PIBF1: variants seen among roughly 807,000 people sequenced by gnomAD.
PIBF1 encodes the protein progesterone-induced-blocking factor 1.
Under a neutral mutation model 112.5 loss-of-function variants are expected in PIBF1, and 90 were observed. The ratio of observed to expected loss-of-function variants is 0.80; its 90% confidence interval spans 0.67 to 0.95. The LOEUF is 0.95. PIBF1 is among the 40% of genes least tolerant of loss of function. The pLI is 0.00. For synonymous variants in PIBF1, 301 were observed against 288.6 expected, an observed-to-expected ratio of 1.04 and a Z score of -0.44; for missense variants, 915 against 852.3, an observed-to-expected ratio of 1.07 and a Z score of -0.92.
intron 7 of PIBF1, among the ~76,000 whole-genome samples, chr13:72,827,493 C>T (rs1319063114): frequency 6.6e-6 from 1 of 152,058 alleles, no homozygotes; most frequent in Non-Finnish European, 1.5e-5. Context: ...AAATGATCCA[C>T]CTGCCTTGGC....
At chr13:72,988,521 G>A (rs1404846030) in intron 16 of PIBF1, among the ~76,000 whole-genome samples, 1 of 152,130 alleles carries the variant, frequency 6.6e-6, no homozygotes, top group Non-Finnish European at 1.5e-5. Context: ...GTAGTGTATA[G>A]TGGTATTGCA....
intron 14 of PIBF1, among the ~76,000 whole-genome samples, chr13:72,955,893 C>A (rs191909894): frequency 3.7e-4 from 57 of 152,290 alleles, no homozygotes; most frequent in Middle Eastern, 3.4e-3. Flanking sequence ...TCCTGCCTAT[C>A]CTTGGACTTT....
At chr13:72,958,693 A>G (rs1223397866) in intron 14 of PIBF1, among the ~76,000 whole-genome samples, 3 of 152,216 alleles carry the variant, frequency 2.0e-5, no homozygotes, top group East Asian at 1.9e-4. Context: ...AGTTTCACCA[A>G]TATTTTAATT....
intron 10 of PIBF1, among the ~76,000 whole-genome samples, chr13:72,871,316 T>A (rs2039155570): frequency 6.6e-6 from 1 of 152,116 alleles, no homozygotes; most frequent in African/African-American, 2.4e-5. Flanking sequence ...TCTTTCTCTC[T>A]CTCTTTTGAG....
At chr13:72,790,522 G>C (rs1217677859) in intron 2 of PIBF1, among the ~76,000 whole-genome samples, 7 of 90,184 alleles carry the variant, frequency 7.8e-5, no homozygotes, top group Non-Finnish European at 2.1e-4. Flanking sequence ...TAGATAGATA[G>C]ATAGATAGAT....
At chr13:72,822,928 A>G (rs1172114490) in intron 6 of PIBF1, among the ~76,000 whole-genome samples, 1 of 152,158 alleles carries the variant, frequency 6.6e-6, no homozygotes, top group African/African-American at 2.4e-5. Flanking sequence ...GGAGTTCAAA[A>G]GAAGCATTTA....
At chr13:72,977,962 A>G (rs1035004173) in intron 16 of PIBF1, among the ~76,000 whole-genome samples, 5 of 152,184 alleles carry the variant, frequency 3.3e-5, no homozygotes, top group Admixed American at 6.5e-5. Flanking sequence ...TTTTCAGACT[A>G]CAAAGCTCAA....
At chr13:72,848,678 A>G (rs893875642) in intron 9 of PIBF1, among the ~76,000 whole-genome samples, 1 of 152,090 alleles carries the variant, frequency 6.6e-6, no homozygotes, top group Non-Finnish European at 1.5e-5. Flanking sequence ...CTAAAAATAC[A>G]AAAAATTAGC....
chr13:72,938,992 A>C (rs2041943422), intron 14 of PIBF1, among the ~76,000 whole-genome samples: 1 of 152,054 alleles, frequency 6.6e-6, no homozygotes, highest in Non-Finnish European at 1.5e-5. Flanking sequence ...TGTTCGAGTC[A>C]TTTGCCCACT....
intron 10 of PIBF1, among the ~76,000 whole-genome samples, chr13:72,857,078 A>G (rs1367007341): frequency 6.6e-6 from 1 of 152,214 alleles, no homozygotes; most frequent in Non-Finnish European, 1.5e-5. Context: ...ATAGAATACC[A>G]AAAATATTTT....
At chr13:72,869,489 A>G (rs2039068076) in intron 10 of PIBF1, among the ~76,000 whole-genome samples, 1 of 149,380 alleles carries the variant, frequency 6.7e-6, no homozygotes, top group East Asian at 2.0e-4. Context: ...GGGGGAAGGG[A>G]TAGCATTAGG....
At chr13:72,910,621 A>C (rs978230818) in intron 12 of PIBF1, among the ~76,000 whole-genome samples, 2 of 152,202 alleles carry the variant, frequency 1.3e-5, no homozygotes, top group African/African-American at 4.8e-5. Context: ...TGACATATTA[A>C]GTGCTGTATT....
chr13:72,821,963 A>G lies in PIBF1; in HGVS notation c.787A>G (p.Asn263Asp), dbSNP rs748083623. The G allele has an allele frequency of 1.2e-6, 2 of 1,611,902 alleles. No individual in the cohort carries two copies. Among genetic ancestry groups the G allele is most frequent in the South Asian group, 2.2e-5 (2 of 90,768 alleles). Reference sequence around the variant, plus strand: ...TCAGCAAGGTGACTACCGTCAAGAGAACTATGATAAAGTCAAGAGGTAAGT... The same window carrying G: ...TCAGCAAGGTGACTACCGTCAAGAGGACTATGATAAAGTCAAGAGGTAAGT... ...LIQQGDYRQE[N>D]YDKVKSERDA... The change falls in exon 6 of 18, where the codon AAC becomes GAC. Residue 263 changes from asparagine to aspartate, a missense_variant. By Grantham distance (23) the Asn-to-Asp change is conservative. Coordinates refer to ENST00000326291, the MANE Select transcript of PIBF1 (RefSeq NM_006346.4).
chr13:72,977,391 A>G (rs1166853095), intron 16 of PIBF1, among the ~76,000 whole-genome samples: 1 of 152,018 alleles, frequency 6.6e-6, no homozygotes, highest in African/African-American at 2.4e-5. Context: ...TATTTTTAGT[A>G]GAGATGGGGT....
chr13:72,906,559 C>T lies in PIBF1; in HGVS notation c.1489-1972C>T, dbSNP rs371558532. 2.6e-5 allele frequency among the ~76,000 whole-genome samples: 4 copies of T among 152,190 alleles called. No homozygotes were observed. In the East Asian group the frequency reaches 5.8e-4, roughly 22 times the overall value. ...GAAGCAGTAATAGGTTTACTTATAA[C>T]AACCACTCAGACAAATCCACAGAAA... On this transcript the variant is annotated intron_variant, in intron 11 of 17. Transcript: ENST00000326291.
At chr13:72,978,486 A>G (rs2043078725) in intron 16 of PIBF1, among the ~76,000 whole-genome samples, 1 of 152,222 alleles carries the variant, frequency 6.6e-6, no homozygotes, top group Admixed American at 6.5e-5. Flanking sequence ...ATGATGAATT[A>G]TTGCGTATAT....
At chr13:72,962,989 A>G (rs2042645655) in intron 14 of PIBF1, among the ~76,000 whole-genome samples, 1 of 152,208 alleles carries the variant, frequency 6.6e-6, no homozygotes, top group Admixed American at 6.5e-5. Context: ...ACTTGCCTAT[A>G]TGGCCAGTCG....
chr13:72,913,839 ATTTTC>A (rs2040986961), intron 12 of PIBF1, among the ~76,000 whole-genome samples: 1 of 152,120 alleles, frequency 6.6e-6, no homozygotes. Flanking sequence ...ATGTATAAAT[ATTTTC>A]TTAAAAGCTG....
intron 17 of PIBF1, among the ~76,000 whole-genome samples, chr13:73,004,282 G>C (rs1242955219): frequency 6.6e-6 from 1 of 152,100 alleles, no homozygotes; most frequent in Admixed American, 6.6e-5. Context: ...CCTGAGATCA[G>C]GAGTTTGAGA....
Sources: allele counts gnomAD v4.1 joint callset (sites outside exome capture counted in the v4.1 genomes callset), GRCh38; gene constraint gnomAD v4.1.1; transcripts MANE v1.5; gene names NCBI Gene and HGNC (gene_info 2026-07-23, HGNC 2026-07-21).